Variants in RNF139 observed in about 807,000 individuals in gnomAD.
RNF139 encodes the protein ring finger protein 139, also known as E3 ubiquitin-protein ligase RNF139.
A neutral mutation model predicts 49.5 loss-of-function variants in RNF139; 15 were observed. The observed-to-expected ratio is 0.30, with a 90% CI of 0.20 to 0.47. The LOEUF is 0.47. Ranked by LOEUF, RNF139 falls within the 20% of genes least tolerant of loss-of-function variation. The pLI, the probability that RNF139 is intolerant of heterozygous loss-of-function variation, is 1.00. For missense variants in RNF139, 619 were observed against 806.3 expected, an observed-to-expected ratio of 0.77 and a Z score of 2.81; for synonymous variants, 325 against 300.9, an observed-to-expected ratio of 1.08 and a Z score of -0.83.
In RNF139 at chr8:124,483,072, AT is replaced by A. The variant is rs372002851; in HGVS notation, c.182-2757del. Among the ~76,000 whole-genome samples the A allele has an allele frequency of 1.8e-3, 95 of 51,570 alleles. 2 individuals are homozygous for A. The highest frequency in any genetic ancestry group is 2.6e-3 in the Non-Finnish European group (75 of 28,862). 33.8% of individuals were successfully genotyped at this position (51,570 alleles called of 152,430 possible). A position where few individuals can be genotyped will look rare whatever the true frequency, so the allele number is the denominator to read the frequency against. ...ATATATCTATTAAAAATATATATATATTATTTAAATATATATATATTTAAAA... is the reference window on the plus strand; with the variant it reads ...ATATATCTATTAAAAATATATATATATATTTAAATATATATATATTTAAAA... On this transcript the variant is annotated intron_variant, in intron 1 of 1. Transcript: ENST00000303545.
At chr8:124,478,095 A>G (rs1402721353) in intron 1 of RNF139, among the ~76,000 whole-genome samples, 1 of 151,922 alleles carries the variant, frequency 6.6e-6, no homozygotes, top group Non-Finnish European at 1.5e-5. Flanking sequence ...GTGAGCCGAG[A>G]TCGCTCCACT....
chr8:124,478,623 C>A (rs879386629), intron 1 of RNF139, among the ~76,000 whole-genome samples: 7 of 147,208 alleles, frequency 4.8e-5, no homozygotes, highest in South Asian at 2.2e-4. Flanking sequence ...AAAAAAAAGT[C>A]AAAAAAAATT....
intron 1 of RNF139, among the ~76,000 whole-genome samples, chr8:124,477,074 CAAT>C (rs1816326623): frequency 6.6e-6 from 1 of 152,102 alleles, no homozygotes; most frequent in African/African-American, 2.4e-5. Flanking sequence ...GTGTTAAAGA[CAAT>C]AAATCTATTT....
chr8:124,487,425 A>AGAT lies in RNF139; in HGVS notation c.1780_1782dup (p.Asp594dup). 1 of 1,614,148 alleles carries AGAT rather than the reference A, an allele frequency of 6.2e-7. No homozygotes were observed. Among genetic ancestry groups the AGAT allele is most frequent in the Non-Finnish European group, 8.5e-7 (1 of 1,180,000 alleles). ...TGTGCCATCAGAAAGTATACATCGA[A>AGAT]GATGATATCAAGGATAATTCAAATG... is the stretch of plus-strand genomic sequence containing the variant. On this transcript the variant is annotated inframe_insertion, in exon 2 of 2. Coordinates refer to ENST00000303545, the MANE Select transcript of RNF139 (RefSeq NM_007218.4).
At chr8:124,485,758 A>C in intron 1 of RNF139, 73 bp from the exon 2 acceptor site, 1 of 1,242,098 alleles carries the variant, frequency 8.1e-7, no homozygotes, top group Non-Finnish European at 1.1e-6. Context: ...TAAAGGAAGA[A>C]TATCATAACT....
intron 1 of RNF139, among the ~76,000 whole-genome samples, chr8:124,484,759 G>A (rs1307830339): frequency 6.6e-6 from 1 of 152,192 alleles, no homozygotes; most frequent in Admixed American, 6.5e-5. Context: ...GTGGGGGAAG[G>A]AGAATTACCA....
intron 1 of RNF139, among the ~76,000 whole-genome samples, chr8:124,485,515 G>C (rs907104948): frequency 2.6e-4 from 40 of 152,164 alleles, no homozygotes; most frequent in African/African-American, 9.7e-4. Context: ...TAAAATGTAT[G>C]TACCACTACA....
At chr8:124,483,959 A>G (rs1201702774) in intron 1 of RNF139, among the ~76,000 whole-genome samples, 1 of 152,162 alleles carries the variant, frequency 6.6e-6, no homozygotes, top group Non-Finnish European at 1.5e-5. Flanking sequence ...TCTGTTATAG[A>G]TACATGTGTA....
chr8:124,486,268 T>C lies in RNF139; in HGVS notation c.619T>C (p.Tyr207His). The change falls in exon 2 of 2, where the codon TAT becomes CAT. Residue 207 changes from tyrosine to histidine, a missense_variant. Tyr to His is a moderately conservative substitution (Grantham distance 83). Transcript: ENST00000303545. ...GAAGTGGTTTTATTATTCCACACGA[T>C]ATGTTTATCTTTTGGTGAGGCACAT... ...KLKWFYYSTR[Y>H]VYLLVRHMYR... The C allele has an allele frequency of 6.2e-7, 1 of 1,614,148 alleles. No homozygotes were observed. Among genetic ancestry groups the C allele is most frequent in the East Asian group, 2.2e-5 (1 of 44,884 alleles).
At position 124,487,897 on chromosome 8, in the gene RNF139, A is replaced by T. The variant is rs1816569188; in HGVS notation, c.*253A>T. 5.4e-6 allele frequency: 2 copies of T among 367,812 alleles called. No homozygotes were observed. The highest frequency in any genetic ancestry group is 1.6e-4 in the South Asian group (2 of 12,862). The allele number at this position is 367,812 out of a possible 1,614,324, so 22.8% of individuals were successfully genotyped here. ...AATAAAATGTTTTCACATTTTTATG[A>T]CAAAATTTGAACAAATAGCTTTTTA... On this transcript the variant is annotated 3_prime_UTR_variant, in exon 2 of 2. Transcript: ENST00000303545.
In RNF139 at chr8:124,486,765, C is replaced by T; in HGVS notation, c.1116C>T (p.Asp372=). 1 of 1,613,944 alleles carries T rather than the reference C, an allele frequency of 6.2e-7. No individual in the cohort carries two copies. The highest frequency in any genetic ancestry group is 8.5e-7 in the Non-Finnish European group (1 of 1,179,968). The change falls in exon 2 of 2, where the codon GAC becomes GAT. Residue 372 remains aspartate (D), a synonymous_variant. Coordinates refer to ENST00000303545, the MANE Select transcript of RNF139 (RefSeq NM_007218.4). Reference sequence around the variant, plus strand: ...TGCATTTTATCCATGGAATGACAGACCCTGTATTAATGTCTCTCAGTGCCT... The same window carrying T: ...TGCATTTTATCCATGGAATGACAGATCCTGTATTAATGTCTCTCAGTGCCT... The part of the protein sequence containing the change: ...AVLHFIHGMT[D]PVLMSLSASH...
rs183245690 is a variant in RNF139, at chr8:124,479,759, A to G, written c.181+4469A>G. Among the ~76,000 whole-genome samples, 172 of 152,302 alleles carry G rather than the reference A, an allele frequency of 1.1e-3. 1 individual carries two copies. Among genetic ancestry groups the G allele is most frequent in the African/African-American group, 3.9e-3 (164 of 41,544 alleles). On this transcript the variant is annotated intron_variant, in intron 1 of 1. Transcript: ENST00000303545. ...AGTACTTAGCCTTATTTATAATTAC[A>G]TAGCCCAGAAACAGACACCAATGTA...
chr8:124,485,621 TA>T (rs1816515349), intron 1 of RNF139, among the ~76,000 whole-genome samples: 1 of 152,210 alleles, frequency 6.6e-6, no homozygotes, highest in Non-Finnish European at 1.5e-5. Flanking sequence ...AATGAAATTT[TA>T]AAGAATAATT....
chr8:124,481,348 T>G (rs752351021), intron 1 of RNF139, among the ~76,000 whole-genome samples: 8 of 152,204 alleles, frequency 5.3e-5, no homozygotes, highest in Non-Finnish European at 8.8e-5. Flanking sequence ...CTTGGAGAAT[T>G]GTAAATATTA....
Position 124,485,818 on chromosome 8 carries a change from TTC to T in RNF139, c.182-11_182-10del. 2 of 1,559,008 alleles carry T rather than the reference TTC, an allele frequency of 1.3e-6. No homozygotes were observed. The highest frequency in any genetic ancestry group is 1.9e-5 in the Admixed American group (1 of 52,442). On this transcript the variant is annotated splice_polypyrimidine_tract_variant and intron_variant, in intron 1 of 1. Transcript: ENST00000303545. Reference sequence around the variant, plus strand: ...ATACTTCATTCAAATGACTTTTTCTTTCTTTCTTTTAGGTGTATTTGCATCCA... The same window carrying T: ...ATACTTCATTCAAATGACTTTTTCTTTTTCTTTTAGGTGTATTTGCATCCA...
Position 124,487,778 on chromosome 8 carries a change from C to G in RNF139, c.*134C>G, listed in dbSNP as rs918598966. 6.0e-6 allele frequency: 5 copies of G among 836,848 alleles called. 1 individual carries two copies. Among genetic ancestry groups the G allele is most frequent in the Admixed American group, 3.1e-5 (1 of 32,710 alleles). 51.8% of individuals were successfully genotyped at this position (836,848 alleles called of 1,614,324 possible). ...AATGTTGAATCTGTGAATGGTTTTCCGTTTACTGTGATGTGCTACTGTAAA... is the reference window on the plus strand; with the variant it reads ...AATGTTGAATCTGTGAATGGTTTTCGGTTTACTGTGATGTGCTACTGTAAA... On this transcript the variant is annotated 3_prime_UTR_variant, in exon 2 of 2. Coordinates refer to ENST00000303545, the MANE Select transcript of RNF139 (RefSeq NM_007218.4).
At chr8:124,477,158 T>G (rs952060831) in intron 1 of RNF139, among the ~76,000 whole-genome samples, 6 of 152,222 alleles carry the variant, frequency 3.9e-5, no homozygotes, top group Non-Finnish European at 7.3e-5. Context: ...AATATTGGTG[T>G]TGTTTATTTG....
At chr8:124,479,022 G>C (rs1400383944) in intron 1 of RNF139, among the ~76,000 whole-genome samples, 2 of 152,116 alleles carry the variant, frequency 1.3e-5, no homozygotes, top group Non-Finnish European at 2.9e-5. Flanking sequence ...ACCGTGCCTG[G>C]CCCGGAAGAC....
chr8:124,478,181 C>A (rs1242150891), intron 1 of RNF139, among the ~76,000 whole-genome samples: 1 of 151,576 alleles, frequency 6.6e-6, no homozygotes, highest in Admixed American at 6.6e-5. Flanking sequence ...ACTTATACTC[C>A]CTTAGGAAAA....
Sources: gnomAD v4.1 joint callset for allele counts (sites outside exome capture counted in the v4.1 genomes callset) on GRCh38, gnomAD v4.1.1 for gene constraint, MANE v1.5 for transcripts, NCBI Gene and HGNC (gene_info 2026-07-23, HGNC 2026-07-21) for gene names.